Variants in KLF8 observed in about 807,000 individuals in gnomAD.
KLF8 encodes the protein KLF transcription factor 8.
In KLF8, 10 loss-of-function variants were observed where a neutral mutation model predicts 18.2. That is an observed-to-expected ratio of 0.55 (90% CI 0.34 to 0.93). The LOEUF (loss-of-function observed/expected upper bound fraction) is 0.93, where lower values mean the gene tolerates loss of function less well. KLF8 is among the 40% of genes least tolerant of loss of function. The pLI is 0.02. For synonymous variants in KLF8, 109 were observed against 97.3 expected (o/e 1.12, Z -0.71); for missense variants, 264 against 277.9 (o/e 0.95, Z 0.36).
At chrX:56,073,890 C>T in the KLF8 span, among the ~76,000 whole-genome samples, 1 of 110,900 alleles carries the variant, frequency 9.0e-6, no homozygotes, top group Non-Finnish European at 1.9e-5. Flanking sequence ...GGACTATAGG[C>T]GTGCGCCACT....
At chrX:55,977,837 G>C in the KLF8 span, among the ~76,000 whole-genome samples, 1 of 111,140 alleles carries the variant, frequency 9.0e-6, no homozygotes, top group South Asian at 3.8e-4. Flanking sequence ...CCTTTTGGAA[G>C]GGAATTGCAC....
intron 5 of KLF8, 65 bp downstream of exon 5, chrX:56,270,386 G>GAGAGAGAGAGAGAGGGGC: frequency 2.8e-6 from 2 of 721,563 alleles, no homozygotes; most frequent in Non-Finnish European, 3.8e-6. Context: ...ACACACGAGA[G>GAGAGAGAGAGAGAGGGGC]AGAGAGAGAG....
At chrX:56,023,812 G>A in the KLF8 span, among the ~76,000 whole-genome samples, 2 of 111,436 alleles carry the variant, frequency 1.8e-5, no homozygotes, top group African/African-American at 6.5e-5. Flanking sequence ...TCAACTCTTA[G>A]CAGACTTTTC....
chrX:56,102,026 A>G, the KLF8 span, among the ~76,000 whole-genome samples: 2 of 111,211 alleles, frequency 1.8e-5, no homozygotes, highest in South Asian at 3.8e-4. Context: ...TTATTTCCTG[A>G]GACTGGTATA....
the KLF8 span, among the ~76,000 whole-genome samples, chrX:56,142,308 T>G: frequency 9.0e-6 from 1 of 111,638 alleles, no homozygotes; most frequent in Non-Finnish European, 1.9e-5. Context: ...TAGCAAAAGA[T>G]AGTTTTAGTC....
the KLF8 span, among the ~76,000 whole-genome samples, chrX:56,106,079 A>C: frequency 9.0e-6 from 1 of 111,681 alleles, no homozygotes; most frequent in East Asian, 2.8e-4. Context: ...ATTTTTACCG[A>C]GAGACAGCTG....
At chrX:56,064,436 G>A in the KLF8 span, among the ~76,000 whole-genome samples, 3 of 109,336 alleles carry the variant, frequency 2.7e-5, no homozygotes, top group Non-Finnish European at 3.8e-5. Flanking sequence ...CTTGTGAGCA[G>A]CATATAATTG....
At chrX:56,106,061 C>T in the KLF8 span, among the ~76,000 whole-genome samples, 1 of 111,668 alleles carries the variant, frequency 9.0e-6, no homozygotes, top group Non-Finnish European at 1.9e-5. Flanking sequence ...TCTCTTCTGG[C>T]TTATAGGATT....
At chrX:55,956,616 G>T in the KLF8 span, among the ~76,000 whole-genome samples, 2 of 111,494 alleles carry the variant, frequency 1.8e-5, no homozygotes, top group South Asian at 7.5e-4. Context: ...TAGGTGAGGT[G>T]ATATTTCATT....
At chrX:56,184,118 T>A in the KLF8 span, among the ~76,000 whole-genome samples, 2 of 112,052 alleles carry the variant, frequency 1.8e-5, no homozygotes, top group Admixed American at 9.4e-5. Context: ...CCTTTCCTAG[T>A]CAAAGAAAGG....
At chrX:56,274,286 C>G (rs1050351910) in intron 5 of KLF8, among the ~76,000 whole-genome samples, 1 of 112,013 alleles carries the variant, frequency 8.9e-6, no homozygotes, top group Non-Finnish European at 1.9e-5. Flanking sequence ...TGTTGAGCAC[C>G]TTTTCATATG....
chrX:56,026,786 T>C, the KLF8 span, among the ~76,000 whole-genome samples: 1 of 111,751 alleles, frequency 8.9e-6, no homozygotes, highest in African/African-American at 3.3e-5. Context: ...CTTTTTCAGT[T>C]CGTGTCGGAT....
intron 1 of KLF8, among the ~76,000 whole-genome samples, chrX:56,248,404 C>T (rs1362591282): frequency 9.0e-6 from 1 of 111,617 alleles, no homozygotes; most frequent in Non-Finnish European, 1.9e-5. Context: ...CACATTAACT[C>T]TGTTAAGGCA....
chrX:56,033,433 T>C, the KLF8 span, among the ~76,000 whole-genome samples: 1 of 111,608 alleles, frequency 9.0e-6, no homozygotes, highest in African/African-American at 3.3e-5. Flanking sequence ...GGCACTTAGA[T>C]TGATTTTATA....
rs182812005 is a variant in KLF8 at position 56,238,310 on chromosome X, T to C, written c.7+4969T>C. On this transcript the variant is annotated intron_variant, in intron 1 of 5. Coordinates refer to ENST00000468660, the MANE Select transcript of KLF8 (RefSeq NM_007250.5). ...GACCAACATGGTAAAACCCCATCTA[T>C]ATTAAAAATACAAAATTAGCCGGGT... 6.8e-3 allele frequency among the ~76,000 whole-genome samples: 756 copies of C among 111,200 alleles called. 1 individual carries two copies. The highest frequency in any genetic ancestry group is 0.014 in the Middle Eastern group (3 of 217).
At chrX:55,935,267 T>C in the KLF8 span, among the ~76,000 whole-genome samples, 1 of 111,840 alleles carries the variant, frequency 8.9e-6, no homozygotes, top group Non-Finnish European at 1.9e-5. Flanking sequence ...TAATCTGTGA[T>C]CCAGTAATTT....
At chrX:56,078,976 A>T in the KLF8 span, among the ~76,000 whole-genome samples, 5 of 96,471 alleles carry the variant, frequency 5.2e-5, no homozygotes, top group African/African-American at 1.7e-4. Context: ...TTTCTGTGGG[A>T]TCGATGGTGA....
the KLF8 span, among the ~76,000 whole-genome samples, chrX:55,956,564 A>G: frequency 8.9e-6 from 1 of 111,733 alleles, no homozygotes; most frequent in Non-Finnish European, 1.9e-5. Context: ...CCTGACCAAT[A>G]CATGCTATTT....
the KLF8 span, among the ~76,000 whole-genome samples, chrX:55,982,613 G>A: frequency 8.9e-5 from 10 of 111,765 alleles, no homozygotes; most frequent in African/African-American, 2.9e-4. Flanking sequence ...TCTGGGGTTG[G>A]TCTACTAGAG....
Sources: allele counts gnomAD v4.1 joint callset (sites outside exome capture counted in the v4.1 genomes callset), GRCh38; gene constraint gnomAD v4.1.1; transcripts MANE v1.5; gene names NCBI Gene and HGNC (gene_info 2026-07-23, HGNC 2026-07-21).